SLC35F3: variants seen among roughly 807,000 people sequenced by gnomAD.
SLC35F3 encodes the protein putative thiamine transporter SLC35F3.
SLC35F3 carries 25 observed loss-of-function variants against 49.9 expected under a neutral mutation model. The ratio of observed to expected loss-of-function variants is 0.50; its 90% CI spans 0.37 to 0.70. The LOEUF is 0.70. Ranked by LOEUF, SLC35F3 falls within the 30% of genes least tolerant of loss-of-function variation. The pLI is 0.00. For missense variants in SLC35F3, 525 were observed against 639.8 expected, an observed-to-expected ratio of 0.82 and a Z score of 1.94; for synonymous variants, 275 against 265.4, an observed-to-expected ratio of 1.04 and a Z score of -0.35.
intron 2 of SLC35F3, among the ~76,000 whole-genome samples, chr1:234,098,006 T>C (rs532772329): frequency 1.4e-5 from 2 of 148,060 alleles, no homozygotes; most frequent in African/African-American, 2.5e-5. Flanking sequence ...GACGGTGTTA[T>C]AGGGTGATGA....
intron 3 of SLC35F3, among the ~76,000 whole-genome samples, chr1:234,282,306 G>T (rs973253681): frequency 1.3e-5 from 2 of 152,184 alleles, no homozygotes; most frequent in South Asian, 2.1e-4. Flanking sequence ...CTAATGGTGT[G>T]TGTGAGCCGT....
At chr1:234,240,378 G>A (rs1440198299) in intron 3 of SLC35F3, among the ~76,000 whole-genome samples, 2 of 151,924 alleles carry the variant, frequency 1.3e-5, no homozygotes, top group East Asian at 1.9e-4. Flanking sequence ...GCTGAGTCGG[G>A]TGGATCACTT....
chr1:234,019,623 A>G (rs1663861702), intron 2 of SLC35F3, among the ~76,000 whole-genome samples: 1 of 152,170 alleles, frequency 6.6e-6, no homozygotes, highest in African/African-American at 2.4e-5. Flanking sequence ...GCTTTCCTCA[A>G]CATCCACAGA....
chr1:234,205,157 G>C (rs1018009971), intron 2 of SLC35F3, among the ~76,000 whole-genome samples: 5 of 152,184 alleles, frequency 3.3e-5, no homozygotes, highest in Non-Finnish European at 7.3e-5. Context: ...TTGGCAATCT[G>C]TGATGTGCAA....
chr1:233,923,465 T>C (rs1173006158), intron 2 of SLC35F3, among the ~76,000 whole-genome samples: 1 of 152,198 alleles, frequency 6.6e-6, no homozygotes, highest in African/African-American at 2.4e-5. Flanking sequence ...TATTGGTGTA[T>C]AGGAATTCTT....
At chr1:234,098,152 A>T (rs539846189) in intron 2 of SLC35F3, among the ~76,000 whole-genome samples, 77 of 135,170 alleles carry the variant, frequency 5.7e-4, no homozygotes, top group Middle Eastern at 4.6e-3. Flanking sequence ...GGTGGTAGTG[A>T]TGGTGTTATA....
chr1:234,083,564 T>A (rs1366458757), intron 2 of SLC35F3, among the ~76,000 whole-genome samples: 1 of 152,206 alleles, frequency 6.6e-6, no homozygotes, highest in Non-Finnish European at 1.5e-5. Context: ...TCTGAGTACC[T>A]TCTGCACCCT....
intron 2 of SLC35F3, among the ~76,000 whole-genome samples, chr1:234,035,670 C>T (rs922767086): frequency 6.6e-6 from 1 of 152,158 alleles, no homozygotes; most frequent in Non-Finnish European, 1.5e-5. Flanking sequence ...TGCTTTTACT[C>T]CACTTTCTAA....
At chr1:233,946,593 T>C (rs921259473) in intron 2 of SLC35F3, among the ~76,000 whole-genome samples, 2 of 152,240 alleles carry the variant, frequency 1.3e-5, no homozygotes, top group African/African-American at 4.8e-5. Flanking sequence ...GGATGAACTT[T>C]TAAAGACGAT....
chr1:233,972,100 A>G (rs1472119769), intron 2 of SLC35F3, among the ~76,000 whole-genome samples: 6 of 152,194 alleles, frequency 3.9e-5, no homozygotes, highest in Non-Finnish European at 7.3e-5. Flanking sequence ...TACAAAAGCT[A>G]TTTGGCCATG....
chr1:234,112,382 C>T (rs1194080452), intron 2 of SLC35F3, among the ~76,000 whole-genome samples: 6 of 151,970 alleles, frequency 3.9e-5, no homozygotes, highest in African/African-American at 9.7e-5. Context: ...TGTGCTTAGA[C>T]ACATACTTTC....
chr1:234,070,347 C>A (rs936787216), intron 2 of SLC35F3, among the ~76,000 whole-genome samples: 6 of 152,204 alleles, frequency 3.9e-5, no homozygotes, highest in Admixed American at 1.3e-4. Context: ...GAAAGCACAG[C>A]ACATCAAAAT....
intron 2 of SLC35F3, among the ~76,000 whole-genome samples, chr1:234,050,961 T>C (rs1664368177): frequency 1.3e-5 from 2 of 152,218 alleles, no homozygotes; most frequent in Admixed American, 1.3e-4. Flanking sequence ...TGTGTGGTAT[T>C]ATTTCTGAAG....
intron 5 of SLC35F3, 41 bp downstream of exon 5, chr1:234,316,768 C>A: frequency 6.3e-7 from 1 of 1,581,584 alleles, no homozygotes; most frequent in Non-Finnish European, 8.7e-7. Context: ...GCTGGGCTCT[C>A]CTCAGCCAGC....
At chr1:234,317,679 C>T (rs77075223) in intron 5 of SLC35F3, among the ~76,000 whole-genome samples, 3,510 of 152,288 alleles carry the variant, frequency 0.023, 144 homozygotes, top group African/African-American at 0.079. Context: ...CCTCACCTCC[C>T]ACAGAGGAAG....
At chr1:234,062,683 CT>C (rs552288112) in intron 2 of SLC35F3, among the ~76,000 whole-genome samples, 277 of 141,744 alleles carry the variant, frequency 2.0e-3, no homozygotes, top group Middle Eastern at 3.6e-3. Flanking sequence ...TGAGCAAAAT[CT>C]TTTTTTTTTT....
intron 2 of SLC35F3, among the ~76,000 whole-genome samples, chr1:234,121,726 C>G (rs1003185553): frequency 6.6e-6 from 1 of 152,156 alleles, no homozygotes; most frequent in African/African-American, 2.4e-5. Context: ...CTCCCACCCC[C>G]TGACAGGCCC....
chr1:234,142,620 G>A (rs1329525496), intron 2 of SLC35F3, among the ~76,000 whole-genome samples: 1 of 152,126 alleles, frequency 6.6e-6, no homozygotes. Flanking sequence ...TGGGAAGTGG[G>A]GTCAGGCTCT....
intron 2 of SLC35F3, among the ~76,000 whole-genome samples, chr1:234,099,868 T>C (rs1572051879): frequency 6.6e-6 from 1 of 152,218 alleles, no homozygotes; most frequent in Non-Finnish European, 1.5e-5. Context: ...GATGTGAGTT[T>C]GATATTGCAA....
Sources: gnomAD v4.1 joint callset for allele counts (sites outside exome capture counted in the v4.1 genomes callset) on GRCh38, gnomAD v4.1.1 for gene constraint, MANE v1.5 for transcripts, NCBI Gene and HGNC (gene_info 2026-07-23, HGNC 2026-07-21) for gene names.